Variants in PAPSS1 observed in about 807,000 individuals in gnomAD.
The protein encoded by PAPSS1 is 3'-phosphoadenosine 5'-phosphosulfate synthase 1.
In PAPSS1, 50 loss-of-function variants were observed where a neutral mutation model predicts 72.0. The ratio of observed to expected loss-of-function variants is 0.69; its 90% CI spans 0.55 to 0.88. The LOEUF is 0.88. Among genes scored for constraint, PAPSS1 ranks in the 40% least tolerant of loss-of-function variants. The pLI is 0.00. For synonymous variants in PAPSS1, 261 were observed against 263.6 expected (o/e 0.99, Z 0.09); for missense variants, 657 against 782.2 (o/e 0.84, Z 1.91).
chr4:107,713,094 A>G (rs1309611895), intron 1 of PAPSS1, among the ~76,000 whole-genome samples: 1 of 151,820 alleles, frequency 6.6e-6, no homozygotes, highest in African/African-American at 2.4e-5. Context: ...TTACAGGCAC[A>G]TGCCACCATG....
chr4:107,709,655 T>C (rs1044179197), intron 1 of PAPSS1, among the ~76,000 whole-genome samples: 1 of 152,206 alleles, frequency 6.6e-6, no homozygotes, highest in Non-Finnish European at 1.5e-5. Context: ...TTCAGGTTTT[T>C]GCATTTCTGA....
intron 9 of PAPSS1, among the ~76,000 whole-genome samples, chr4:107,649,403 T>G (rs1285653396): frequency 6.6e-6 from 1 of 152,240 alleles, no homozygotes; most frequent in South Asian, 2.1e-4. Flanking sequence ...TGGCTAACAC[T>G]ACCCAATGCC....
intron 5 of PAPSS1, among the ~76,000 whole-genome samples, chr4:107,661,331 T>C (rs1441989602): frequency 1.3e-5 from 2 of 152,160 alleles, no homozygotes; most frequent in Non-Finnish European, 2.9e-5. Context: ...TATCAGCAAT[T>C]TCACTCCTTC....
chr4:107,642,909 T>C (rs570350050), intron 10 of PAPSS1, among the ~76,000 whole-genome samples: 1 of 152,156 alleles, frequency 6.6e-6, no homozygotes, highest in South Asian at 2.1e-4. Flanking sequence ...CAAATACATA[T>C]CCAAGGACCT....
chr4:107,680,428 A>G lies in PAPSS1; in HGVS notation c.669+1587T>C, dbSNP rs115757462. On this transcript the variant is annotated intron_variant, in intron 5 of 11. Coordinates refer to ENST00000265174, the MANE Select transcript of PAPSS1 (RefSeq NM_005443.5). ...GGAACATCTTTAAAGCACTAAAAGA[A>G]AAAACAATCTGTCATGCAGAATTCT... Among the ~76,000 whole-genome samples, 788 of 152,320 alleles carry G rather than the reference A, an allele frequency of 5.2e-3. 8 individuals carry two copies. The highest frequency in any genetic ancestry group is 0.018 in the African/African-American group (766 of 41,568).
At chr4:107,645,411 T>C (rs116790274) in intron 9 of PAPSS1, among the ~76,000 whole-genome samples, 222 of 152,302 alleles carry the variant, frequency 1.5e-3, no homozygotes, top group African/African-American at 4.7e-3. Flanking sequence ...CTGCTTACCA[T>C]AGATAAACAT....
chr4:107,649,883 G>A (rs1409993640), intron 9 of PAPSS1, among the ~76,000 whole-genome samples: 1 of 152,224 alleles, frequency 6.6e-6, no homozygotes, highest in Admixed American at 6.5e-5. Context: ...CTTGGCTTAA[G>A]TGAAATGCAT....
Position 107,656,905 on chromosome 4 carries a change from G to A in PAPSS1, c.886C>T (p.Leu296Phe). Residue 296 changes from leucine to phenylalanine, a missense_variant, in exon 7 of 12, where the codon CTT becomes TTT. By Grantham distance (22) the Leu-to-Phe change is conservative. Transcript: ENST00000265174. ...EYLQCLHFDCLLDGGVINLSV... is the reference protein window; with the variant it reads ...EYLQCLHFDCFLDGGVINLSV... ...ATGTAAAATGTCTTACCATCCAGAA[G>A]ACAATCAAAATGAAGGCACTGCAAG... 2 of 1,593,222 alleles carry A rather than the reference G, an allele frequency of 1.3e-6. No homozygotes were observed. The highest frequency in any genetic ancestry group is 1.7e-6 in the Non-Finnish European group (2 of 1,161,072).
intron 1 of PAPSS1, among the ~76,000 whole-genome samples, chr4:107,719,009 A>G (rs1723705761): frequency 6.6e-6 from 1 of 152,232 alleles, no homozygotes. Flanking sequence ...ATGAGAGACC[A>G]GGCCAGGAGT....
At chr4:107,629,892 C>A (rs925526067) in intron 11 of PAPSS1, among the ~76,000 whole-genome samples, 7 of 152,182 alleles carry the variant, frequency 4.6e-5, no homozygotes, top group African/African-American at 1.4e-4. Context: ...CCCTCTCCAC[C>A]ATGGCAATGC....
chr4:107,663,352 A>G (rs1578406498), intron 5 of PAPSS1, among the ~76,000 whole-genome samples: 1 of 152,186 alleles, frequency 6.6e-6, no homozygotes, highest in Admixed American at 6.5e-5. Context: ...TGAGCATCTT[A>G]CAACGTGTCT....
chr4:107,719,784 C>T, intron 1 of PAPSS1: 1 of 1,166,742 alleles, frequency 8.6e-7, no homozygotes, highest in Non-Finnish European at 1.1e-6. Context: ...CAGGTTTCAG[C>T]ACCCGGAGGT....
chr4:107,622,687 C>T (rs1437404380), intron 11 of PAPSS1, among the ~76,000 whole-genome samples: 3 of 152,208 alleles, frequency 2.0e-5, no homozygotes, highest in Admixed American at 2.0e-4. Flanking sequence ...TTATTAACTG[C>T]TTTACGAAAT....
At chr4:107,672,143 C>G (rs1967973) in intron 5 of PAPSS1, among the ~76,000 whole-genome samples, 1 of 151,990 alleles carries the variant, frequency 6.6e-6, no homozygotes, top group African/African-American at 2.4e-5. Flanking sequence ...GTGTGAGCGA[C>G]GCAGAAGACG....
chr4:107,632,442 A>C (rs1050463404), intron 10 of PAPSS1, among the ~76,000 whole-genome samples: 21 of 152,252 alleles, frequency 1.4e-4, no homozygotes, highest in Admixed American at 1.2e-3. Context: ...AGGTACTTAC[A>C]TAAACTAGTA....
intron 5 of PAPSS1, among the ~76,000 whole-genome samples, chr4:107,672,875 C>T (rs182774478): frequency 1.3e-5 from 2 of 152,172 alleles, no homozygotes; most frequent in South Asian, 2.1e-4. Context: ...TCCAGAGGAA[C>T]GATCAGGCAG....
Position 107,720,227 on chromosome 4 carries a change from A to C in PAPSS1, c.-48T>G, listed in dbSNP as rs2125947049. 1 of 1,565,596 alleles carries C rather than the reference A, an allele frequency of 6.4e-7. No homozygotes were observed. The highest frequency in any genetic ancestry group is 2.4e-5 in the East Asian group (1 of 41,446). ...CCGGGGTTCTCTGCGCCGGGAGGGT[A>C]GCAAGAGGAGGGCAGGCCAGCGAGC... On this transcript the variant is annotated 5_prime_UTR_variant, in exon 1 of 12. Coordinates refer to ENST00000265174, the MANE Select transcript of PAPSS1 (RefSeq NM_005443.5).
intron 1 of PAPSS1, among the ~76,000 whole-genome samples, chr4:107,708,502 A>C (rs28407737): frequency 0.011 from 1,675 of 152,338 alleles, 32 homozygotes; most frequent in African/African-American, 0.038. Flanking sequence ...GACAAGAAGA[A>C]ACATATATCT....
chr4:107,691,026 C>T (rs1722907217), intron 3 of PAPSS1, among the ~76,000 whole-genome samples: 1 of 152,116 alleles, frequency 6.6e-6, no homozygotes, highest in Non-Finnish European at 1.5e-5. Context: ...TATTTATACA[C>T]TTTAAACTGA....
Sources: allele counts gnomAD v4.1 joint callset (sites outside exome capture counted in the v4.1 genomes callset), GRCh38; gene constraint gnomAD v4.1.1; transcripts MANE v1.5; gene names NCBI Gene and HGNC (gene_info 2026-07-23, HGNC 2026-07-21).